Variants in PLCH1 observed in about 807,000 individuals in gnomAD.
PLCH1 encodes the protein phospholipase C eta 1.
A neutral mutation model predicts 126.7 loss-of-function variants in PLCH1; 60 were observed. The ratio of observed to expected loss-of-function variants is 0.47; its 90% CI spans 0.38 to 0.59. The LOEUF (loss-of-function observed/expected upper bound fraction) is 0.59, where lower values mean the gene tolerates loss of function less well. Ranked by LOEUF, PLCH1 falls within the 20% of genes least tolerant of loss-of-function variation. The pLI, the probability that PLCH1 is intolerant of heterozygous loss-of-function variation, is 0.00. For synonymous variants in PLCH1, 719 were observed against 734.9 expected, an observed-to-expected ratio of 0.98 and a Z score of 0.35; for missense variants, 1,723 against 2,040.0, an observed-to-expected ratio of 0.84 and a Z score of 2.99.
chr3:155,596,458 A>G, intron 2 of PLCH1, 80 bp from the exon 3 acceptor site: 4 of 1,158,896 alleles, frequency 3.5e-6, no homozygotes, highest in South Asian at 1.8e-5. Context: ...GTCAAATAAA[A>G]CCTCTGATTC....
chr3:155,511,726 C>G (rs936530437), intron 12 of PLCH1, among the ~76,000 whole-genome samples: 3 of 144,284 alleles, frequency 2.1e-5, no homozygotes, highest in South Asian at 2.2e-4. Flanking sequence ...TCTCCAGCTG[C>G]GTGCTGGGAG....
intron 8 of PLCH1, among the ~76,000 whole-genome samples, chr3:155,561,013 A>G (rs1560167483): frequency 1.3e-5 from 2 of 152,124 alleles, no homozygotes; most frequent in Non-Finnish European, 2.9e-5. Context: ...CTTTACTGCT[A>G]CTTTTAAATG....
rs753258422 is a variant in PLCH1, at chr3:155,659,302, C to CTTTTTTTTTTTTTTTTT, written c.79+44827_79+44843dup. ...CCAGGCGTGAGATGTCTATTCACTT[C>CTTTTTTTTTTTTTTTTT]TTTTTTTTTTTTTTTTTTTTTTTTT... On this transcript the variant is annotated intron_variant, in intron 2 of 22. Coordinates refer to ENST00000460012, the MANE Select transcript of PLCH1 (RefSeq NM_014996.4). Among the ~76,000 whole-genome samples, 3 of 30,848 alleles carry CTTTTTTTTTTTTTTTTT rather than the reference C, an allele frequency of 9.7e-5. 1 individual carries two copies. Among genetic ancestry groups the CTTTTTTTTTTTTTTTTT allele is most frequent in the Non-Finnish European group, 2.2e-4 (3 of 13,866 alleles). 20.2% of individuals were successfully genotyped at this position (30,848 alleles called of 152,430 possible). A position where few individuals can be genotyped will look rare whatever the true frequency, so the allele number is the denominator to read the frequency against.
chr3:155,547,857 A>G (rs1046504875), intron 10 of PLCH1, among the ~76,000 whole-genome samples: 4 of 128,900 alleles, frequency 3.1e-5, no homozygotes, highest in African/African-American at 1.2e-4. Context: ...ACATGGACAC[A>G]GGAAGGGGAC....
intron 2 of PLCH1, among the ~76,000 whole-genome samples, chr3:155,667,450 G>T (rs1742850772): frequency 6.6e-6 from 1 of 152,110 alleles, no homozygotes; most frequent in Non-Finnish European, 1.5e-5. Flanking sequence ...AAATTAAATT[G>T]AAGGGAATGT....
chr3:155,532,131 T>C (rs1366117595), intron 10 of PLCH1, among the ~76,000 whole-genome samples: 1 of 152,142 alleles, frequency 6.6e-6, no homozygotes, highest in South Asian at 2.1e-4. Context: ...TAGTTTTTGA[T>C]TGAAAGTGAG....
Position 155,649,150 on chromosome 3 carries a change from G to C in PLCH1, c.80-52772C>G, listed in dbSNP as rs183412184. Among the ~76,000 whole-genome samples the C allele has an allele frequency of 1.7e-3, 266 of 152,240 alleles. 1 individual carries two copies. Among genetic ancestry groups the C allele is most frequent in the African/African-American group, 6.2e-3 (256 of 41,540 alleles). On this transcript the variant is annotated intron_variant, in intron 2 of 22. Coordinates refer to ENST00000460012, the MANE Select transcript of PLCH1 (RefSeq NM_014996.4). ...AATTCGAGAAACCCAGGCACACAAG[G>C]AGTGACTGAGACCAGGGCAGTACTG...
At chr3:155,614,670 G>A (rs1480960560) in intron 2 of PLCH1, among the ~76,000 whole-genome samples, 2 of 152,012 alleles carry the variant, frequency 1.3e-5, no homozygotes, top group African/African-American at 4.8e-5. Context: ...GCAAACAAAA[G>A]CATAAAGTGG....
chr3:155,590,198 T>G (rs1731938906), intron 4 of PLCH1, among the ~76,000 whole-genome samples: 2 of 152,230 alleles, frequency 1.3e-5, no homozygotes, highest in Non-Finnish European at 1.5e-5. Context: ...CAGTCCTAAG[T>G]GAAATCTAAT....
At chr3:155,704,070 T>C in intron 2 of PLCH1, 76 bp downstream of exon 2, 1 of 547,398 alleles carries the variant, frequency 1.8e-6, no homozygotes, top group South Asian at 9.3e-5. Flanking sequence ...CATATTTGCA[T>C]CTAGAGTGCT....
chr3:155,457,207 C>T (rs1712469526), intron 21 of PLCH1: 1 of 152,556 alleles, frequency 6.6e-6, no homozygotes, highest in African/African-American at 2.4e-5. Flanking sequence ...CTTGAACCTC[C>T]ATGCTTCTAT....
chr3:155,590,318 C>T (rs1205294204), intron 4 of PLCH1, among the ~76,000 whole-genome samples: 1 of 152,168 alleles, frequency 6.6e-6, no homozygotes, highest in African/African-American at 2.4e-5. Context: ...GTGGCTCACG[C>T]CTGTAATCCC....
chr3:155,737,250 G>T (rs1008039539), intron 1 of PLCH1, among the ~76,000 whole-genome samples: 4 of 59,612 alleles, frequency 6.7e-5, no homozygotes, highest in Admixed American at 1.6e-4. Context: ...AAAAAAAAAA[G>T]AGTATATGGT....
At chr3:155,469,614 C>G (rs1435805005) in intron 21 of PLCH1, among the ~76,000 whole-genome samples, 1 of 152,230 alleles carries the variant, frequency 6.6e-6, no homozygotes, top group African/African-American at 2.4e-5. Context: ...GGCTCCACCT[C>G]TGGGGGCAGG....
intron 21 of PLCH1, among the ~76,000 whole-genome samples, chr3:155,463,489 A>G (rs945308752): frequency 6.6e-6 from 1 of 152,200 alleles, no homozygotes; most frequent in Admixed American, 6.5e-5. Flanking sequence ...TGTAGGGGAA[A>G]GAGGACTAAC....
At chr3:155,472,297 C>T (rs1287830552) in intron 21 of PLCH1, among the ~76,000 whole-genome samples, 3 of 152,218 alleles carry the variant, frequency 2.0e-5, no homozygotes, top group African/African-American at 7.2e-5. Flanking sequence ...ATACTACAAA[C>T]AACTCTACAC....
At chr3:155,580,664 T>C (rs1441147070) in intron 6 of PLCH1, among the ~76,000 whole-genome samples, 2 of 152,180 alleles carry the variant, frequency 1.3e-5, no homozygotes, top group Non-Finnish European at 2.9e-5. Context: ...TGATTTCATG[T>C]ATATTAACAA....
At chr3:155,612,908 T>TAAAAAAAAAAAAAA (rs59489759) in intron 2 of PLCH1, among the ~76,000 whole-genome samples, 6 of 94,628 alleles carry the variant, frequency 6.3e-5, no homozygotes, top group African/African-American at 2.1e-4. Flanking sequence ...AACTGTGTAT[T>TAAAAAAAAAAAAAA]AAAAAAAAAA....
intron 2 of PLCH1, among the ~76,000 whole-genome samples, chr3:155,608,363 T>C (rs1239124889): frequency 6.6e-6 from 1 of 152,172 alleles, no homozygotes; most frequent in African/African-American, 2.4e-5. Context: ...GAGCCATGGC[T>C]GACAGTGTGA....
Sources: allele counts gnomAD v4.1 joint callset (sites outside exome capture counted in the v4.1 genomes callset), GRCh38; gene constraint gnomAD v4.1.1; transcripts MANE v1.5; gene names NCBI Gene and HGNC (gene_info 2026-07-23, HGNC 2026-07-21).